The following UHRF1 variants were observed in gnomAD, a reference collection of about 807,000 sequenced individuals.
The protein encoded by UHRF1 is ubiquitin like with PHD and ring finger domains 1, also known as E3 ubiquitin-protein ligase UHRF1.
A neutral mutation model predicts 96.5 loss-of-function variants in UHRF1; 9 were observed. That is an observed-to-expected ratio of 0.09 (90% CI 0.06 to 0.16). UHRF1 has a LOEUF of 0.16. UHRF1 is among the 10% of genes least tolerant of loss of function. UHRF1 has a pLI of 1.00. For missense variants in UHRF1, 626 were observed against 1,131.1 expected (o/e 0.55, Z 6.40); for synonymous variants, 455 against 469.9 (o/e 0.97, Z 0.41).
At position 4,956,766 on chromosome 19, in the gene UHRF1, C is replaced by T; in HGVS notation, c.2188C>T (p.Leu730=). 2 of 1,612,270 alleles carry T rather than the reference C, an allele frequency of 1.2e-6. No homozygotes were observed. Among genetic ancestry groups the T allele is most frequent in the Non-Finnish European group, 1.7e-6 (2 of 1,179,178 alleles). Reference sequence around the variant, plus strand: ...GTTCCAGTGTATCTGCTGTCAGGAGCTGGTGTTCCGGCCCATCACGACCGT... The same window carrying T: ...GTTCCAGTGTATCTGCTGTCAGGAGTTGGTGTTCCGGCCCATCACGACCGT... ...ETFQCICCQE[L]VFRPITTVCQ... Residue 730 remains leucine, a synonymous_variant, in exon 16 of 17, where the codon CTG becomes TTG. Coordinates refer to ENST00000650932, the MANE Select transcript of UHRF1 (RefSeq NM_001048201.3).
Position 4,954,344 on chromosome 19 carries a change from C to T in UHRF1, c.1819-6C>T, listed in dbSNP as rs1022184617. ...TGACTCACGGCTGTCCCTCTTCCTC[C>T]TGAAGTATCCAGAAGGCTACCTGGA... is the stretch of plus-strand genomic sequence containing the variant. On this transcript the variant is annotated splice_region_variant and splice_polypyrimidine_tract_variant and intron_variant, in intron 13 of 16. Transcript: ENST00000650932. The surrounding 1 kb of genome is among the most constrained non-coding windows in gnomAD (Gnocchi z 5.9). 1.9e-6 allele frequency: 3 copies of T among 1,611,552 alleles called. No individual in the cohort carries two copies. The African/African-American group carries it at 4.0e-5, about 22-fold the overall frequency.
chr19:4,935,105 C>T (rs2033177231), intron 5 of UHRF1, among the ~76,000 whole-genome samples: 1 of 152,068 alleles, frequency 6.6e-6, no homozygotes, highest in Admixed American at 6.6e-5. Context: ...TCCTGAGTAG[C>T]TGGGACTATA....
chr19:4,935,397 A>G (rs370278116), intron 5 of UHRF1, among the ~76,000 whole-genome samples: 10 of 152,324 alleles, frequency 6.6e-5, no homozygotes, highest in African/African-American at 2.4e-4. Flanking sequence ...CTGTGAGTCC[A>G]TTAAACCTCT....
chr19:4,907,286 T>C (rs987016806), upstream of UHRF1, among the ~76,000 whole-genome samples: 3 of 152,184 alleles, frequency 2.0e-5, no homozygotes, highest in African/African-American at 7.2e-5. Flanking sequence ...ATTTTTTTTT[T>C]TGAGACACAG....
rs1232545806 is a variant in UHRF1 at position 4,930,811 on chromosome 19, G to T, written c.504G>T (p.Glu168Asp). The change falls in exon 4 of 17, where the codon GAG (glutamate) becomes GAT (aspartate). Residue 168 changes from glutamate (E) to aspartate (D), a missense_variant. Coordinates refer to ENST00000650932, the MANE Select transcript of UHRF1 (RefSeq NM_001048201.3). This position sits in a 1 kb window ranked among gnomAD's most constrained non-coding sequence, Gnocchi z 4.4. Reference protein sequence around the residue: ...RVTRKAPSRDEPCSSTSRPAL... With the variant: ...RVTRKAPSRDDPCSSTSRPAL... ...CGCGGAAGGCCCCCTCCCGGGACGA[G>T]CCCTGCAGCTCCACGTCCAGGCCGG... is the stretch of plus-strand genomic sequence containing the variant. The T allele has an allele frequency of 1.2e-6, 2 of 1,613,986 alleles. No homozygotes were observed. The highest frequency in any genetic ancestry group is 1.7e-5 in the Admixed American group (1 of 60,030).
At chr19:4,952,481 C>T (rs1599297778) in intron 13 of UHRF1, among the ~76,000 whole-genome samples, 2 of 150,852 alleles carry the variant, frequency 1.3e-5, no homozygotes, top group Middle Eastern at 3.4e-3. Context: ...GCAACCTCCA[C>T]CTCCCAGGCT....
At chr19:4,921,981 A>G (rs765735421) in intron 2 of UHRF1, among the ~76,000 whole-genome samples, 4 of 152,192 alleles carry the variant, frequency 2.6e-5, no homozygotes, top group African/African-American at 9.6e-5. Flanking sequence ...TATTTGAGAC[A>G]GTCTCGCTCT....
chr19:4,905,745 T>C (rs1018493218), upstream of UHRF1, among the ~76,000 whole-genome samples: 1 of 152,142 alleles, frequency 6.6e-6, no homozygotes, highest in Non-Finnish European at 1.5e-5. Flanking sequence ...CTTGATCTCC[T>C]GACCTCAGTG....
intron 2 of UHRF1, among the ~76,000 whole-genome samples, chr19:4,926,435 G>A (rs999299832): frequency 2.0e-5 from 3 of 152,202 alleles, no homozygotes; most frequent in East Asian, 1.9e-4. Flanking sequence ...GGGCTGAAGC[G>A]GATATTGGTG....
chr19:4,938,170 A>G (rs866200400), intron 5 of UHRF1, among the ~76,000 whole-genome samples: 2 of 147,832 alleles, frequency 1.4e-5, no homozygotes, highest in African/African-American at 2.5e-5. Context: ...GTGGGGGAGG[A>G]AGGGAAGCTT....
chr19:4,926,879 A>G (rs544176636), intron 2 of UHRF1, among the ~76,000 whole-genome samples: 1 of 152,264 alleles, frequency 6.6e-6, no homozygotes, highest in African/African-American at 2.4e-5. Context: ...TCTGGCTAAC[A>G]TGGTGAAACC....
chr19:4,932,665 C>G, intron 4 of UHRF1, 76 bp from the exon 5 acceptor site: 1 of 1,533,372 alleles, frequency 6.5e-7, no homozygotes, highest in Non-Finnish European at 8.9e-7. Flanking sequence ...GGGGCCGTCC[C>G]ACCTCGGCTC....
intron 2 of UHRF1, among the ~76,000 whole-genome samples, chr19:4,921,131 A>T (rs903736046): frequency 7.5e-6 from 1 of 134,014 alleles, no homozygotes; most frequent in Admixed American, 7.4e-5. Flanking sequence ...TCAAAAAAGA[A>T]AAAAAAAGAA....
At chr19:4,914,822 C>T (rs1469966314) in intron 2 of UHRF1, among the ~76,000 whole-genome samples, 2 of 152,194 alleles carry the variant, frequency 1.3e-5, no homozygotes, top group African/African-American at 2.4e-5. Flanking sequence ...CTAATACCCA[C>T]CACGCTGCAG....
At chr19:4,951,107 A>C in intron 13 of UHRF1, 111 bp downstream of exon 13, 1 of 1,373,112 alleles carries the variant, frequency 7.3e-7, no homozygotes, top group South Asian at 1.5e-5. Flanking sequence ...CTCTACTAAA[A>C]ATACAAAAAT....
At chr19:4,928,134 G>C (rs2032931274) in intron 2 of UHRF1, among the ~76,000 whole-genome samples, 1 of 152,096 alleles carries the variant, frequency 6.6e-6, no homozygotes, top group African/African-American at 2.4e-5. Flanking sequence ...ATGATGTCTG[G>C]GGACATTTGT....
upstream of UHRF1, among the ~76,000 whole-genome samples, chr19:4,908,495 C>T (rs2032121608): frequency 6.6e-6 from 1 of 152,120 alleles, no homozygotes; most frequent in African/African-American, 2.4e-5. Context: ...GGGCCCCAAC[C>T]ACACCAGCCC....
chr19:4,911,581 G>T (rs1379315442), intron 2 of UHRF1, among the ~76,000 whole-genome samples: 2 of 152,154 alleles, frequency 1.3e-5, no homozygotes, highest in Non-Finnish European at 2.9e-5. Flanking sequence ...GCTGTGCTGC[G>T]GCTGCTGCTG....
In UHRF1 at chr19:4,954,063, C is replaced by T. The variant is rs886518780; in HGVS notation, c.1819-287C>T. On this transcript the variant is annotated intron_variant, in intron 13 of 16. Transcript: ENST00000650932. The surrounding 1 kb of genome is among the most constrained non-coding windows in gnomAD (Gnocchi z 5.9). ...GTGGCTGTAAAGGGGGAGGAAGGGG[C>T]CCCGAGCCGAGGGATGCAGCGCCTC... Among the ~76,000 whole-genome samples, 3 of 152,122 alleles carry T rather than the reference C, an allele frequency of 2.0e-5. No homozygotes were observed. Among genetic ancestry groups the T allele is most frequent in the African/African-American group, 2.4e-5 (1 of 41,420 alleles).
Sources: allele counts gnomAD v4.1 joint callset (sites outside exome capture counted in the v4.1 genomes callset), GRCh38; gene constraint gnomAD v4.1.1; non-coding constraint Gnocchi (gnomAD v3.1); transcripts MANE v1.5; gene names NCBI Gene and HGNC (gene_info 2026-07-23, HGNC 2026-07-21).